NXPE2: variants seen among roughly 807,000 people sequenced by gnomAD.
The protein encoded by NXPE2 is NXPE family member 2.
In NXPE2, 34 loss-of-function variants were observed where a neutral mutation model predicts 34.4. The ratio of observed to expected loss-of-function variants is 0.99; its 90% CI spans 0.75 to 1.31. NXPE2 has a LOEUF of 1.31. Among genes scored for constraint, NXPE2 ranks in the 40% most tolerant of loss-of-function variants. The pLI is 0.00. For missense variants in NXPE2, 649 were observed against 672.5 expected, an observed-to-expected ratio of 0.97 and a Z score of 0.39; for synonymous variants, 235 against 231.3, an observed-to-expected ratio of 1.02 and a Z score of -0.15.
At chr11:114,620,012 C>A in the NXPE2 span, among the ~76,000 whole-genome samples, 1 of 151,790 alleles carries the variant, frequency 6.6e-6, no homozygotes, top group Non-Finnish European at 1.5e-5. Context: ...TCGTGGGTAA[C>A]CATTGTTACC....
the NXPE2 span, among the ~76,000 whole-genome samples, chr11:114,780,619 A>G: frequency 6.6e-6 from 1 of 152,308 alleles, no homozygotes; most frequent in African/African-American, 2.4e-5. Context: ...TGTACTGGTA[A>G]CTCTAGTAGA....
At chr11:114,581,358 T>C in the NXPE2 span, among the ~76,000 whole-genome samples, 50 of 152,196 alleles carry the variant, frequency 3.3e-4, no homozygotes, top group East Asian at 8.5e-3. Context: ...TAGATGGTGA[T>C]GGGCTAGTGG....
the NXPE2 span, among the ~76,000 whole-genome samples, chr11:114,621,336 TAA>T: frequency 6.6e-6 from 1 of 152,136 alleles, no homozygotes; most frequent in Non-Finnish European, 1.5e-5. Flanking sequence ...CGCTGGATAA[TAA>T]GTGTTGCCTC....
At chr11:114,563,292 A>G in the NXPE2 span, among the ~76,000 whole-genome samples, 1 of 152,182 alleles carries the variant, frequency 6.6e-6, no homozygotes, top group African/African-American at 2.4e-5. Flanking sequence ...CTCTCTTTTT[A>G]TCTCTCAGGA....
the NXPE2 span, among the ~76,000 whole-genome samples, chr11:114,810,016 G>C: frequency 3.3e-5 from 5 of 149,784 alleles, no homozygotes; most frequent in East Asian, 7.8e-4. Context: ...GAACAGAACA[G>C]AGCCCTCAGA....
At chr11:114,737,380 A>G in the NXPE2 span, among the ~76,000 whole-genome samples, 4 of 152,210 alleles carry the variant, frequency 2.6e-5, no homozygotes, top group Non-Finnish European at 5.9e-5. Context: ...GTCAGTGCTG[A>G]AAGAATGGGT....
the NXPE2 span, among the ~76,000 whole-genome samples, chr11:114,632,608 T>A: frequency 7.7e-5 from 8 of 103,710 alleles, no homozygotes; most frequent in Non-Finnish European, 1.2e-4. Flanking sequence ...TATATATTTA[T>A]ATTTTATATA....
the NXPE2 span, among the ~76,000 whole-genome samples, chr11:114,542,203 C>A: frequency 1.3e-5 from 2 of 151,940 alleles, no homozygotes; most frequent in African/African-American, 4.8e-5. Context: ...TTTTTAACAT[C>A]AATATTTTGT....
chr11:114,772,555 G>C, the NXPE2 span, among the ~76,000 whole-genome samples: 2 of 151,940 alleles, frequency 1.3e-5, no homozygotes, highest in African/African-American at 4.8e-5. Context: ...TTCTTTGAAG[G>C]GTTAATTTGC....
chr11:114,604,885 G>A, the NXPE2 span, among the ~76,000 whole-genome samples: 3 of 151,978 alleles, frequency 2.0e-5, no homozygotes, highest in African/African-American at 7.3e-5. Flanking sequence ...TTGCCTCACG[G>A]GTAACCACTG....
the NXPE2 span, among the ~76,000 whole-genome samples, chr11:114,760,566 T>A: frequency 6.6e-6 from 1 of 152,128 alleles, no homozygotes; most frequent in African/African-American, 2.4e-5. Flanking sequence ...AGAAGCTCCT[T>A]AAGTATTTAT....
At chr11:114,584,784 T>C in the NXPE2 span, 1 of 152,468 alleles carries the variant, frequency 6.6e-6, no homozygotes, top group Non-Finnish European at 1.5e-5. Flanking sequence ...TTTCTCCAGG[T>C]ATTCATATAA....
the NXPE2 span, among the ~76,000 whole-genome samples, chr11:114,491,205 C>T: frequency 1.4e-5 from 2 of 146,290 alleles, no homozygotes; most frequent in African/African-American, 5.1e-5. Context: ...GCCAAAGAAA[C>T]TACCATCAGA....
chr11:114,564,536 ATAAC>A, the NXPE2 span, among the ~76,000 whole-genome samples: 1 of 152,208 alleles, frequency 6.6e-6, no homozygotes, highest in African/African-American at 2.4e-5. Context: ...AGATACATAA[ATAAC>A]TATTTCTAGC....
At chr11:114,622,545 T>C in the NXPE2 span, among the ~76,000 whole-genome samples, 4 of 152,148 alleles carry the variant, frequency 2.6e-5, no homozygotes, top group Admixed American at 1.3e-4. Flanking sequence ...ACCCTGTGGA[T>C]AATAGGTATT....
At chr11:114,694,499 A>G (rs1951211902) in intron 2 of NXPE2, among the ~76,000 whole-genome samples, 1 of 152,120 alleles carries the variant, frequency 6.6e-6, no homozygotes. Context: ...TAGTTTTGGA[A>G]AAATTTCAGT....
the NXPE2 span, among the ~76,000 whole-genome samples, chr11:114,795,118 G>A: frequency 6.6e-6 from 1 of 152,198 alleles, no homozygotes; most frequent in Non-Finnish European, 1.5e-5. Flanking sequence ...CCCTAAGGTA[G>A]GAGAAGGCTG....
the NXPE2 span, chr11:114,530,611 G>T: frequency 1.2e-6 from 2 of 1,614,092 alleles, no homozygotes; most frequent in African/African-American, 1.3e-5. Context: ...CCACCATATT[G>T]CTTCCTCTGT....
At chr11:114,625,489 C>G in the NXPE2 span, among the ~76,000 whole-genome samples, 1 of 152,138 alleles carries the variant, frequency 6.6e-6, no homozygotes, top group Non-Finnish European at 1.5e-5. Context: ...ATATGTATGG[C>G]CTCGTGGGTA....
Sources: allele counts gnomAD v4.1 joint callset (sites outside exome capture counted in the v4.1 genomes callset), GRCh38; gene constraint gnomAD v4.1.1; transcripts MANE v1.5; gene names NCBI Gene and HGNC (gene_info 2026-07-23, HGNC 2026-07-21).